The following USH2A variants were observed in gnomAD, a reference collection of about 807,000 sequenced individuals.
The protein encoded by USH2A is Usher syndrome 2A (autosomal recessive, mild).
USH2A carries 443 observed loss-of-function variants against 538.9 expected under a neutral mutation model. The observed-to-expected ratio is 0.82, with a 90% confidence interval of 0.76 to 0.89. The LOEUF (loss-of-function observed/expected upper bound fraction) is 0.89. Ranked by LOEUF, USH2A falls within the 40% of genes least tolerant of loss-of-function variation. The pLI, the probability that USH2A is intolerant of heterozygous loss-of-function variation, is 0.00. For missense variants in USH2A, 6,633 were observed against 6,324.8 expected (o/e 1.05, Z -1.65); for synonymous variants, 2,413 against 2,273.5 (o/e 1.06, Z -1.75).
intron 11 of USH2A, among the ~76,000 whole-genome samples, chr1:216,266,108 T>C (rs2102573640): frequency 6.6e-6 from 1 of 152,266 alleles, no homozygotes; most frequent in South Asian, 2.1e-4. Flanking sequence ...ATTTGCTAAT[T>C]ACACTGATTT....
chr1:215,687,151 T>A (rs1428838005), intron 61 of USH2A, among the ~76,000 whole-genome samples: 1 of 152,040 alleles, frequency 6.6e-6, no homozygotes, highest in Non-Finnish European at 1.5e-5. Context: ...CCAACTCAAA[T>A]GTACTCATAA....
rs116596930 is a variant in USH2A, at chr1:215,777,612, G to C, written c.10939+2231C>G. On this transcript the variant is annotated intron_variant, in intron 55 of 71. Transcript: ENST00000307340. ...ATTTTTCACCACTGCATCCTGTATA[G>C]AGCTCTGTTTTCAGTTATTTCTTTT... is the stretch of plus-strand genomic sequence containing the variant. 3.5e-3 allele frequency among the ~76,000 whole-genome samples: 529 copies of C among 152,262 alleles called. 10 individuals are homozygous for C. Among genetic ancestry groups the C allele is most frequent in the Middle Eastern group, 0.014 (4 of 294 alleles).
chr1:215,689,654 A>T (rs1325793255), intron 61 of USH2A, among the ~76,000 whole-genome samples: 1 of 152,214 alleles, frequency 6.6e-6, no homozygotes, highest in Admixed American at 6.5e-5. Flanking sequence ...ATGCTATGAG[A>T]GGGCCTGTGA....
chr1:215,960,337 C>G (rs971291851), intron 37 of USH2A, among the ~76,000 whole-genome samples: 1 of 152,078 alleles, frequency 6.6e-6, no homozygotes, highest in Admixed American at 6.6e-5. Flanking sequence ...TATTCCCAAA[C>G]TTACACATTT....
chr1:215,936,710 T>C (rs1236024538), intron 37 of USH2A, among the ~76,000 whole-genome samples: 1 of 152,074 alleles, frequency 6.6e-6, no homozygotes, highest in African/African-American at 2.4e-5. Flanking sequence ...ATTTTCTCAG[T>C]AGCAATTACC....
intron 50 of USH2A, among the ~76,000 whole-genome samples, chr1:215,794,372 G>T (rs1305766768): frequency 2.0e-5 from 3 of 152,180 alleles, no homozygotes; most frequent in Admixed American, 2.0e-4. Flanking sequence ...CGGTCTCGTG[G>T]CAGGCACACA....
At chr1:216,105,837 A>G (rs1221841268) in intron 21 of USH2A, among the ~76,000 whole-genome samples, 6 of 151,864 alleles carry the variant, frequency 4.0e-5, no homozygotes, top group African/African-American at 1.4e-4. Flanking sequence ...ATTTTGTTAA[A>G]TTTAAGTGCT....
chr1:215,941,258 C>T (rs1465322675), intron 37 of USH2A, among the ~76,000 whole-genome samples: 1 of 151,994 alleles, frequency 6.6e-6, no homozygotes, highest in Non-Finnish European at 1.5e-5. Context: ...GTATATTATA[C>T]ATTTTATATA....
chr1:216,345,334 A>G (rs2038154050), intron 4 of USH2A, among the ~76,000 whole-genome samples: 1 of 151,992 alleles, frequency 6.6e-6, no homozygotes, highest in Non-Finnish European at 1.5e-5. Context: ...CAGAGTGGCT[A>G]ATGTCTATGT....
intron 40 of USH2A, among the ~76,000 whole-genome samples, chr1:215,890,685 G>A (rs1226121460): frequency 1.3e-5 from 2 of 152,018 alleles, no homozygotes; most frequent in East Asian, 1.9e-4. Context: ...TTGCTCTCTG[G>A]TATACAGTAG....
At chr1:215,631,166 C>T (rs976542746) in intron 70 of USH2A, among the ~76,000 whole-genome samples, 3 of 152,038 alleles carry the variant, frequency 2.0e-5, no homozygotes, top group East Asian at 1.9e-4. Context: ...GTTCACAAGA[C>T]GGGTGCTTGG....
chr1:215,868,944 A>G (rs909983578), intron 43 of USH2A, among the ~76,000 whole-genome samples: 2 of 152,206 alleles, frequency 1.3e-5, no homozygotes, highest in Admixed American at 6.5e-5. Context: ...TGAGAGAATA[A>G]ATTTCTGTTG....
chr1:215,718,530 T>A lies in USH2A; in HGVS notation c.12066+9500A>T, dbSNP rs116802869. Among the ~76,000 whole-genome samples the A allele has an allele frequency of 9.0e-3, 1,367 of 152,306 alleles. 22 individuals carry two copies. The highest frequency in any genetic ancestry group is 0.032 in the African/African-American group (1,309 of 41,554). Reference sequence around the variant, plus strand: ...CAATAAAGCACTCACCTGCCGATGATCACAGCTAACCTCTTGCTCTAATGC... The same window carrying A: ...CAATAAAGCACTCACCTGCCGATGAACACAGCTAACCTCTTGCTCTAATGC... On this transcript the variant is annotated intron_variant, in intron 61 of 71. Transcript: ENST00000307340.
chr1:215,676,749 A>G (rs1270907051), intron 62 of USH2A, among the ~76,000 whole-genome samples: 1 of 151,848 alleles, frequency 6.6e-6, no homozygotes, highest in Non-Finnish European at 1.5e-5. Flanking sequence ...AAGGGAGCAT[A>G]GGTTCCATAA....
At chr1:216,314,180 G>A (rs2102641375) in intron 9 of USH2A, among the ~76,000 whole-genome samples, 1 of 151,986 alleles carries the variant, frequency 6.6e-6, no homozygotes, top group African/African-American at 2.4e-5. Context: ...TGCTTCTTCT[G>A]TAAGGCTGTC....
chr1:216,280,054 C>T (rs77030112), intron 11 of USH2A, among the ~76,000 whole-genome samples: 7,673 of 151,588 alleles, frequency 0.051, 304 homozygotes, highest in Middle Eastern at 0.16. Flanking sequence ...ATTCACAGAC[C>T]CTTCTCCAGA....
chr1:215,843,775 T>C (rs1239454989), intron 46 of USH2A, among the ~76,000 whole-genome samples: 1 of 152,172 alleles, frequency 6.6e-6, no homozygotes, highest in Non-Finnish European at 1.5e-5. Flanking sequence ...TATATATGTC[T>C]TCCTGTTGCA....
intron 60 of USH2A, among the ~76,000 whole-genome samples, chr1:215,737,861 T>G (rs1172828294): frequency 6.6e-6 from 1 of 152,084 alleles, no homozygotes; most frequent in Non-Finnish European, 1.5e-5. Flanking sequence ...AACCCTTTCA[T>G]ATCATACAGT....
chr1:216,273,532 C>A (rs958076716), intron 11 of USH2A, among the ~76,000 whole-genome samples: 6 of 151,940 alleles, frequency 3.9e-5, no homozygotes, highest in Non-Finnish European at 5.9e-5. Context: ...ATAAATAATA[C>A]ATTTCAAGGT....
Sources: allele counts gnomAD v4.1 joint callset (sites outside exome capture counted in the v4.1 genomes callset), GRCh38; gene constraint gnomAD v4.1.1; transcripts MANE v1.5; gene names NCBI Gene and HGNC (gene_info 2026-07-23, HGNC 2026-07-21).